CEP68: variants seen among roughly 807,000 people sequenced by gnomAD.
The protein encoded by CEP68 is centrosomal protein 68.
Under a neutral mutation model 55.3 loss-of-function variants are expected in CEP68, and 26 were observed. The observed-to-expected ratio is 0.47, with a 90% CI of 0.34 to 0.65. The LOEUF is 0.65. CEP68 is among the 30% of genes least tolerant of loss of function. The pLI is 0.01. For missense variants in CEP68, 957 were observed against 946.7 expected (o/e 1.01, Z -0.14); for synonymous variants, 402 against 383.2 (o/e 1.05, Z -0.57).
At chr2:65,073,026 C>G (rs1676574109) in intron 3 of CEP68, 46 bp downstream of exon 3, 1 of 1,594,294 alleles carries the variant, frequency 6.3e-7, no homozygotes, top group Admixed American at 1.7e-5. Flanking sequence ...GGTGTCTTGT[C>G]TCTTCCCCCA....
chr2:65,074,523 T>C (rs768603548), intron 4 of CEP68, 119 bp downstream of exon 4: 10 of 1,410,146 alleles, frequency 7.1e-6, no homozygotes, highest in Middle Eastern at 1.8e-4. Context: ...TTGACTATTA[T>C]ACCTGAAATC....
In CEP68 at chr2:65,069,585, T is replaced by C; in HGVS notation, c.141T>C (p.Ala47=). 1 of 1,613,796 alleles carries C rather than the reference T, an allele frequency of 6.2e-7. No individual in the cohort carries two copies. Residue 47 remains alanine, a synonymous_variant, in exon 2 of 7, where the codon GCT becomes GCC. Transcript: ENST00000377990. The part of the protein sequence containing the change: ...MSGEQPPRLE[A]EGGLISPVWG... ...GGGAGCAGCCCCCACGCCTGGAAGC[T>C]GAGGGAGGGCTCATCTCCCCTGTAT...
chr2:65,071,313 T>C, intron 2 of CEP68, 141 bp from the exon 3 acceptor site: 1 of 677,478 alleles, frequency 1.5e-6, no homozygotes. Context: ...GCCTGGTTCT[T>C]GCCTCAGGCA....
chr2:65,074,792 CTTAA>C (rs901434880), intron 4 of CEP68: 3 of 257,856 alleles, frequency 1.2e-5, no homozygotes, highest in East Asian at 1.1e-4. Context: ...AAAGTTTTTT[CTTAA>C]TTAAAAACAA....
intron 3 of CEP68, chr2:65,073,557 T>C (rs1364376287): frequency 6.1e-6 from 1 of 163,028 alleles, no homozygotes; most frequent in African/African-American, 2.4e-5. Context: ...GTGTCAGGCA[T>C]CTGAATTTGA....
intron 2 of CEP68, among the ~76,000 whole-genome samples, 181 bp downstream of exon 2, chr2:65,069,982 G>A (rs1676384014): frequency 6.6e-6 from 1 of 152,146 alleles, no homozygotes; most frequent in South Asian, 2.1e-4. Context: ...AGGACCGGCC[G>A]GGGGGACTGT....
chr2:65,073,630 G>A (rs1676612383), intron 3 of CEP68: 1 of 161,834 alleles, frequency 6.2e-6, no homozygotes, highest in Non-Finnish European at 1.4e-5. Context: ...TTTGTAAAAT[G>A]TGGAGCCCTG....
intron 1 of CEP68, among the ~76,000 whole-genome samples, chr2:65,059,493 C>T (rs1675809229): frequency 6.6e-6 from 1 of 152,132 alleles, no homozygotes; most frequent in Non-Finnish European, 1.5e-5. Context: ...CTAGGGAATA[C>T]TATTATTTCT....
In CEP68 at chr2:65,069,586, G is replaced by A. The variant is rs1275573860; in HGVS notation, c.142G>A (p.Glu48Lys). Residue 48 changes from glutamate to lysine, a missense_variant, in exon 2 of 7, where the codon GAG becomes AAG. Glu to Lys is a moderately conservative substitution (Grantham distance 56, BLOSUM62 1). Transcript: ENST00000377990. Reference protein sequence around the residue: ...SGEQPPRLEAEGGLISPVWGA... With the variant: ...SGEQPPRLEAKGGLISPVWGA... ...GGAGCAGCCCCCACGCCTGGAAGCT[G>A]AGGGAGGGCTCATCTCCCCTGTATG... The A allele has an allele frequency of 1.2e-6, 2 of 1,613,898 alleles. No individual in the cohort carries two copies. Among genetic ancestry groups the A allele is most frequent in the Non-Finnish European group, 1.7e-6 (2 of 1,179,838 alleles).
chr2:65,082,229 A>G (rs1454149842), intron 5 of CEP68, among the ~76,000 whole-genome samples: 2 of 152,248 alleles, frequency 1.3e-5, no homozygotes, highest in African/African-American at 2.4e-5. Flanking sequence ...TCTTACCTCT[A>G]AAGTCAGGTA....
At chr2:65,074,727 C>G (rs1033592329) in intron 4 of CEP68, 16 of 362,816 alleles carry the variant, frequency 4.4e-5, no homozygotes, top group Non-Finnish European at 8.0e-5. Context: ...ATTGCTTGAG[C>G]CCAGGAGTTC....
intron 6 of CEP68, 81 bp from the exon 7 acceptor site, chr2:65,083,558 A>C (rs989848218): frequency 2.0e-5 from 3 of 152,240 alleles, no homozygotes; most frequent in African/African-American, 7.2e-5. Flanking sequence ...CTTGGTTCTA[A>C]AATGAATGCA....
chr2:65,077,952 G>C lies in CEP68; in HGVS notation c.2092G>C (p.Glu698Gln). The C allele has an allele frequency of 6.2e-7, 1 of 1,613,346 alleles. No individual in the cohort carries two copies. Among genetic ancestry groups the C allele is most frequent in the South Asian group, 1.1e-5 (1 of 91,050 alleles). The change falls in exon 5 of 7, where the codon GAG (glutamate) becomes CAG (glutamine). Residue 698 changes from glutamate (E) to glutamine (Q), a missense_variant. Coordinates refer to ENST00000377990, the MANE Select transcript of CEP68 (RefSeq NM_015147.3). The stretch of plus-strand genomic sequence containing the variant: ...GGAGATTCTTCTTCAGTGCCTGTTG[G>C]AGAACACCCCAGGTGAGATGCTTAA... ...KGEILLQCLL[E>Q]NTPVLEDVLG...
intron 5 of CEP68, chr2:65,080,353 T>C: frequency 5.1e-6 from 5 of 985,222 alleles, no homozygotes; most frequent in Non-Finnish European, 6.0e-6. Flanking sequence ...AATGTGGCTG[T>C]TTCCCCCTTG....
chr2:65,073,028 C>CT, intron 3 of CEP68, 48 bp downstream of exon 3: 1 of 1,592,108 alleles, frequency 6.3e-7, no homozygotes, highest in Non-Finnish European at 8.6e-7. Flanking sequence ...TGTCTTGTCT[C>CT]TTCCCCCAAT....
At chr2:65,058,827 T>C (rs1675777488) in intron 1 of CEP68, among the ~76,000 whole-genome samples, 1 of 152,072 alleles carries the variant, frequency 6.6e-6, no homozygotes, top group African/African-American at 2.4e-5. Flanking sequence ...TTTTTAAACA[T>C]CCCTTTAGCC....
intron 5 of CEP68, among the ~76,000 whole-genome samples, chr2:65,081,492 C>G (rs1677014990): frequency 6.6e-6 from 1 of 152,108 alleles, no homozygotes; most frequent in Non-Finnish European, 1.5e-5. Flanking sequence ...TGGCAGGAAA[C>G]TAGGGAGAGT....
chr2:65,072,826 G>C lies in CEP68; in HGVS notation c.1730G>C (p.Ser577Thr). 1 of 1,614,194 alleles carries C rather than the reference G, an allele frequency of 6.2e-7. No individual in the cohort carries two copies. The highest frequency in any genetic ancestry group is 8.5e-7 in the Non-Finnish European group (1 of 1,180,040). Residue 577 changes from serine to threonine, a missense_variant, in exon 3 of 7, where the codon AGC (serine) becomes ACC (threonine). By Grantham distance (58) the Ser-to-Thr change is moderately conservative. Transcript: ENST00000377990. Reference sequence around the variant, plus strand: ...GCAGGGGAAGGCAGTCTGGGGAGCAGCCAGGCCCTCGGGGTCTCCTCTGGA... The same window carrying C: ...GCAGGGGAAGGCAGTCTGGGGAGCACCCAGGCCCTCGGGGTCTCCTCTGGA... ...DSAGEGSLGS[S>T]QALGVSSGLL...
intron 1 of CEP68, among the ~76,000 whole-genome samples, chr2:65,064,626 C>T (rs1464245903): frequency 2.0e-5 from 3 of 150,500 alleles, no homozygotes; most frequent in Non-Finnish European, 4.4e-5. Context: ...CCCAGCTACT[C>T]GGGAGGCTGA....
Sources: allele counts gnomAD v4.1 joint callset (sites outside exome capture counted in the v4.1 genomes callset), GRCh38; gene constraint gnomAD v4.1.1; transcripts MANE v1.5; gene names NCBI Gene and HGNC (gene_info 2026-07-23, HGNC 2026-07-21).